CNTN4: variants seen among roughly 807,000 people sequenced by gnomAD.
CNTN4 encodes the protein contactin 4, also known as contactin-4.
Under a neutral mutation model 122.5 loss-of-function variants are expected in CNTN4, and 77 were observed. The observed-to-expected ratio is 0.63, with a 90% confidence interval of 0.52 to 0.76. CNTN4 has a LOEUF of 0.76. Ranked by LOEUF, CNTN4 falls within the 30% of genes least tolerant of loss-of-function variation. The pLI, the probability that CNTN4 is intolerant of heterozygous loss-of-function variation, is 0.00. For synonymous variants in CNTN4, 512 were observed against 447.0 expected (o/e 1.15, Z -1.83); for missense variants, 1,256 against 1,259.1 (o/e 1.00, Z 0.04).
chr3:2,359,541 T>C (rs901271246), intron 3 of CNTN4, among the ~76,000 whole-genome samples: 1 of 152,062 alleles, frequency 6.6e-6, no homozygotes, highest in Admixed American at 6.5e-5. Flanking sequence ...TATATGATTT[T>C]GTTTTGTTTT....
chr3:2,412,677 A>C (rs1277886622), intron 3 of CNTN4, among the ~76,000 whole-genome samples: 1 of 152,108 alleles, frequency 6.6e-6, no homozygotes, highest in Non-Finnish European at 1.5e-5. Flanking sequence ...TTGAAATCTC[A>C]GAAATTATCT....
intron 3 of CNTN4, among the ~76,000 whole-genome samples, chr3:2,474,494 A>G (rs1377695923): frequency 1.3e-5 from 2 of 152,190 alleles, no homozygotes; most frequent in East Asian, 1.9e-4. Context: ...TTCTTCAGAC[A>G]TTGCCCTTAA....
intron 2 of CNTN4, among the ~76,000 whole-genome samples, chr3:2,173,791 C>T (rs2036619045): frequency 2.0e-5 from 3 of 152,004 alleles, no homozygotes; most frequent in Admixed American, 2.0e-4. Context: ...ATCTAAAATC[C>T]AGTTGACTTG....
intron 14 of CNTN4, among the ~76,000 whole-genome samples, chr3:3,006,169 C>T (rs545690271): frequency 6.6e-6 from 1 of 152,276 alleles, no homozygotes; most frequent in East Asian, 1.9e-4. Context: ...AGCCACCGCG[C>T]CCAGCCCACG....
intron 13 of CNTN4, among the ~76,000 whole-genome samples, chr3:2,931,743 C>G (rs1167338923): frequency 6.6e-6 from 1 of 152,156 alleles, no homozygotes; most frequent in African/African-American, 2.4e-5. Context: ...ATCCTCCCAC[C>G]TCAGCCCCCT....
At chr3:2,776,258 T>C (rs1194420151) in intron 6 of CNTN4, among the ~76,000 whole-genome samples, 2 of 118,860 alleles carry the variant, frequency 1.7e-5, no homozygotes, top group African/African-American at 5.8e-5. Context: ...AGCAATTTGA[T>C]TGGTTATAAG....
chr3:2,505,570 T>A (rs2076710923), intron 3 of CNTN4, among the ~76,000 whole-genome samples: 1 of 152,222 alleles, frequency 6.6e-6, no homozygotes, highest in Non-Finnish European at 1.5e-5. Flanking sequence ...GTTTAAAAAT[T>A]GCAAAGACCT....
chr3:2,751,338 AT>A (rs1444992764), intron 6 of CNTN4, among the ~76,000 whole-genome samples: 1 of 152,114 alleles, frequency 6.6e-6, no homozygotes, highest in African/African-American at 2.4e-5. Flanking sequence ...AATAAAAAAA[AT>A]AAAGATGCTC....
At chr3:2,338,629 ATAAAT>A (rs71058609) in intron 2 of CNTN4, among the ~76,000 whole-genome samples, 11,656 of 151,962 alleles carry the variant, frequency 0.077, 500 homozygotes, top group Middle Eastern at 0.085. Flanking sequence ...TATAGGGAAA[ATAAAT>A]TTAGTTCTTC....
intron 6 of CNTN4, among the ~76,000 whole-genome samples, chr3:2,818,112 T>A (rs923467851): frequency 6.6e-6 from 1 of 152,222 alleles, no homozygotes; most frequent in African/African-American, 2.4e-5. Flanking sequence ...ACCTGCCTGC[T>A]TGAGCCCCAA....
Position 2,273,259 on chromosome 3 carries a change from T to C in CNTN4, c.-144-65919T>C, listed in dbSNP as rs1575230485. ...AAAATAGATGGTTTTTCTGTTGTGG[T>C]CTTAGTTGTCATTTTATAGTTGACC... On this transcript the variant is annotated intron_variant, in intron 2 of 24. Coordinates refer to ENST00000418658, the MANE Select transcript of CNTN4 (RefSeq NM_175607.3). Among the ~76,000 whole-genome samples the C allele has an allele frequency of 2.0e-5, 3 of 152,334 alleles. No individual in the cohort carries two copies. The East Asian group carries it at 5.8e-4, about 29-fold the overall frequency.
At chr3:2,837,589 C>G (rs2093256786) in intron 7 of CNTN4, among the ~76,000 whole-genome samples, 1 of 152,212 alleles carries the variant, frequency 6.6e-6, no homozygotes, top group Admixed American at 6.5e-5. Context: ...CCCCCGTTCC[C>G]AAATGGCACT....
At chr3:2,288,283 C>A (rs1052242126) in intron 2 of CNTN4, among the ~76,000 whole-genome samples, 6 of 152,102 alleles carry the variant, frequency 3.9e-5, no homozygotes, top group Admixed American at 3.9e-4. Flanking sequence ...TGGTGAGGGC[C>A]TCAGGCTGCT....
intron 9 of CNTN4, among the ~76,000 whole-genome samples, chr3:2,883,868 C>T (rs896264928): frequency 3.3e-5 from 5 of 152,180 alleles, no homozygotes; most frequent in Non-Finnish European, 7.3e-5. Context: ...ATATATCAGA[C>T]AGCATAAAGA....
intron 13 of CNTN4, among the ~76,000 whole-genome samples, chr3:2,957,848 A>G (rs1298428078): frequency 1.3e-5 from 2 of 152,120 alleles, no homozygotes; most frequent in African/African-American, 4.8e-5. Context: ...ATCAGTGGGC[A>G]CTCAGGTTGA....
intron 13 of CNTN4, among the ~76,000 whole-genome samples, chr3:2,959,967 A>G (rs1336838725): frequency 6.6e-6 from 1 of 152,202 alleles, no homozygotes; most frequent in Non-Finnish European, 1.5e-5. Flanking sequence ...GGACTCAATC[A>G]TATGGGCATG....
Position 2,173,179 on chromosome 3 carries a change from A to T in CNTN4, c.-145+72540A>T, listed in dbSNP as rs117903398. 6.3e-4 allele frequency among the ~76,000 whole-genome samples: 96 copies of T among 152,334 alleles called. No homozygotes were observed. In the East Asian group the frequency reaches 0.018, roughly 28 times the overall value. On this transcript the variant is annotated intron_variant, in intron 2 of 24. Coordinates refer to ENST00000418658, the MANE Select transcript of CNTN4 (RefSeq NM_175607.3). Reference sequence around the variant, plus strand: ...TACTTTGCCAGACTCATCAAATATGATTTTGATGGGCTAAGAACTCCTAAC... The same window carrying T: ...TACTTTGCCAGACTCATCAAATATGTTTTTGATGGGCTAAGAACTCCTAAC...
intron 2 of CNTN4, among the ~76,000 whole-genome samples, chr3:2,215,883 CAAAAA>C (rs869205172): frequency 0.013 from 754 of 60,254 alleles, 16 homozygotes; most frequent in African/African-American, 0.047. Context: ...GCCTCTGTCT[CAAAAA>C]AAAAAAAAAA....
chr3:2,244,750 A>G (rs2040076895), intron 2 of CNTN4, among the ~76,000 whole-genome samples: 1 of 152,050 alleles, frequency 6.6e-6, no homozygotes, highest in African/African-American at 2.4e-5. Context: ...TAAATAAAGT[A>G]TGACCCGTCA....
Sources: allele counts gnomAD v4.1 joint callset (sites outside exome capture counted in the v4.1 genomes callset), GRCh38; gene constraint gnomAD v4.1.1; transcripts MANE v1.5; gene names NCBI Gene and HGNC (gene_info 2026-07-23, HGNC 2026-07-21).